CYP4Z1: variants seen among roughly 807,000 people sequenced by gnomAD.
CYP4Z1 encodes the protein cytochrome P450 family 4 subfamily Z member 1.
In CYP4Z1, 41 loss-of-function variants were observed where a neutral mutation model predicts 54.2. The ratio of observed to expected loss-of-function variants is 0.76; its 90% confidence interval spans 0.59 to 0.98. The LOEUF is 0.98. Among genes scored for constraint, CYP4Z1 ranks in the 50% least tolerant of loss-of-function variants. The pLI is 0.00. For synonymous variants in CYP4Z1, 163 were observed against 206.2 expected (o/e 0.79, Z 1.79); for missense variants, 513 against 599.0 (o/e 0.86, Z 1.50).
intron 9 of CYP4Z1, among the ~76,000 whole-genome samples, chr1:47,110,548 C>A (rs1447818101): frequency 6.6e-6 from 1 of 152,020 alleles, no homozygotes; most frequent in Non-Finnish European, 1.5e-5. Flanking sequence ...CATAGTGAGA[C>A]CTTGTCTCAA....
intron 8 of CYP4Z1, among the ~76,000 whole-genome samples, chr1:47,100,935 A>G (rs962733178): frequency 6.6e-6 from 1 of 151,936 alleles, no homozygotes; most frequent in African/African-American, 2.4e-5. Flanking sequence ...CAATCTCACT[A>G]CTCATACTGG....
At chr1:47,113,956 A>T (rs1644811215) in intron 9 of CYP4Z1, among the ~76,000 whole-genome samples, 3 of 152,230 alleles carry the variant, frequency 2.0e-5, no homozygotes, top group Non-Finnish European at 4.4e-5. Context: ...TTTAAAGTTC[A>T]TATGGCACCA....
At chr1:47,077,705 C>T (rs896425601) in intron 2 of CYP4Z1, among the ~76,000 whole-genome samples, 8 of 151,788 alleles carry the variant, frequency 5.3e-5, no homozygotes. Flanking sequence ...ACTGCATCCT[C>T]TAGCTCCTGG....
chr1:47,082,178 A>G (rs1644559615), intron 3 of CYP4Z1, among the ~76,000 whole-genome samples, 156 bp from the exon 4 acceptor site: 2 of 152,040 alleles, frequency 1.3e-5, no homozygotes, highest in African/African-American at 4.8e-5. Flanking sequence ...TTAATTCCCA[A>G]AGGATTAGGT....
In CYP4Z1 at chr1:47,084,925, G is replaced by T. The variant is rs1400394033; in HGVS notation, c.719G>T (p.Ser240Ile). The T allele has an allele frequency of 6.5e-7, 1 of 1,529,776 alleles. No homozygotes were observed. The highest frequency in any genetic ancestry group is 8.9e-7 in the Non-Finnish European group (1 of 1,122,962). The allele number at this position is 1,529,776 out of a possible 1,614,324, so 94.8% of individuals were successfully genotyped here. A position where few individuals can be genotyped will look rare whatever the true frequency, so the allele number is the denominator to read the frequency against. The change falls in exon 6 of 12, where the codon AGC (serine) becomes ATC (isoleucine). Residue 240 changes from serine (S) to isoleucine (I), a missense_variant. Ser to Ile is a moderately radical substitution (Grantham distance 142). Coordinates refer to ENST00000334194, the MANE Select transcript of CYP4Z1 (RefSeq NM_178134.3). ...LHHNDLVFKF[S>I]SQGQIFSKFN... ...CACAACGACCTGGTTTTCAAATTCA[G>T]CTCTCAAGGCCAAATCTTTTCTAAA...
At chr1:47,106,015 T>C in intron 8 of CYP4Z1, 113 bp from the exon 9 acceptor site, 1 of 1,330,098 alleles carries the variant, frequency 7.5e-7, no homozygotes, top group Non-Finnish European at 1.0e-6. Context: ...AAGTCCTCCT[T>C]TGGGTAAAGA....
chr1:47,066,601 C>T (rs995660329), upstream of CYP4Z1, among the ~76,000 whole-genome samples: 2 of 152,122 alleles, frequency 1.3e-5, no homozygotes, highest in Non-Finnish European at 2.9e-5. Context: ...AGAACTGGAA[C>T]AAGAGAAGGA....
chr1:47,114,152 A>C (rs1569763031), intron 9 of CYP4Z1, among the ~76,000 whole-genome samples: 3 of 152,344 alleles, frequency 2.0e-5, no homozygotes, highest in South Asian at 2.1e-4. Context: ...CATATCTACA[A>C]CTATCTGATC....
intron 2 of CYP4Z1, among the ~76,000 whole-genome samples, chr1:47,074,169 A>T (rs1316145534): frequency 6.6e-6 from 1 of 151,924 alleles, no homozygotes; most frequent in Non-Finnish European, 1.5e-5. Context: ...TTTATTTTAG[A>T]TTAAGAGGTA....
At chr1:47,086,387 T>A (rs1317096927) in intron 6 of CYP4Z1, among the ~76,000 whole-genome samples, 1 of 152,242 alleles carries the variant, frequency 6.6e-6, no homozygotes, top group East Asian at 1.9e-4. Context: ...ATCGCCTTTC[T>A]AACTGGTGTG....
chr1:47,058,442 TTG>T, the CYP4Z1 span, among the ~76,000 whole-genome samples: 1 of 152,074 alleles, frequency 6.6e-6, no homozygotes, highest in Admixed American at 6.6e-5. Flanking sequence ...CCACCTCACT[TTG>T]TGAGTGTTTT....
chr1:47,085,988 C>A (rs979683985), intron 6 of CYP4Z1, among the ~76,000 whole-genome samples: 1 of 151,984 alleles, frequency 6.6e-6, no homozygotes, highest in Non-Finnish European at 1.5e-5. Flanking sequence ...ATGATGGCTT[C>A]CAGCTTCATC....
intron 9 of CYP4Z1, among the ~76,000 whole-genome samples, chr1:47,107,367 C>T (rs1173514915): frequency 6.6e-6 from 1 of 151,956 alleles, no homozygotes; most frequent in Non-Finnish European, 1.5e-5. Context: ...ACAACTTAAG[C>T]TTTCTCTGGG....
At chr1:47,108,487 T>C (rs1407104814) in intron 9 of CYP4Z1, among the ~76,000 whole-genome samples, 1 of 152,028 alleles carries the variant, frequency 6.6e-6, no homozygotes, top group Admixed American at 6.5e-5. Flanking sequence ...TTCCCCTGTA[T>C]TACCCAGAAA....
the CYP4Z1 span, among the ~76,000 whole-genome samples, chr1:47,060,084 T>G: frequency 1.3e-5 from 2 of 152,242 alleles, no homozygotes; most frequent in African/African-American, 2.4e-5. Flanking sequence ...GATTTATTTA[T>G]CTGATAAGCA....
chr1:47,103,595 C>CTTTTTTTTTTTTTTTTTTTTTTTT (rs373166937), intron 8 of CYP4Z1, among the ~76,000 whole-genome samples: 3 of 96,028 alleles, frequency 3.1e-5, no homozygotes, highest in African/African-American at 8.2e-5. Flanking sequence ...TCTTTTTTTT[C>CTTTTTTTTTTTTTTTTTTTTTTTT]TTTTTTTTTT....
intron 2 of CYP4Z1, among the ~76,000 whole-genome samples, chr1:47,077,501 T>C (rs1569707473): frequency 6.6e-6 from 1 of 152,150 alleles, no homozygotes; most frequent in Admixed American, 6.6e-5. Context: ...ATGGGTCCCA[T>C]TTTTTTACTC....
chr1:47,061,648 T>C, the CYP4Z1 span, among the ~76,000 whole-genome samples: 1 of 152,130 alleles, frequency 6.6e-6, no homozygotes, highest in Non-Finnish European at 1.5e-5. Flanking sequence ...TTCCAAATAA[T>C]TGAGAAGGAG....
At chr1:47,064,453 T>C (rs1644439718), upstream of CYP4Z1, among the ~76,000 whole-genome samples, 1 of 152,116 alleles carries the variant, frequency 6.6e-6, no homozygotes, top group South Asian at 2.1e-4. Context: ...GAAACTAACC[T>C]TCATCAATGA....
Sources: allele counts gnomAD v4.1 joint callset (sites outside exome capture counted in the v4.1 genomes callset), GRCh38; gene constraint gnomAD v4.1.1; transcripts MANE v1.5; gene names NCBI Gene and HGNC (gene_info 2026-07-23, HGNC 2026-07-21).